Variants in SLC2A14 observed in about 807,000 individuals in gnomAD.
SLC2A14 encodes solute carrier family 2, facilitated glucose transporter member 14.
A neutral mutation model predicts 43.0 loss-of-function variants in SLC2A14; 13 were observed. The observed-to-expected ratio is 0.30, with a 90% confidence interval of 0.20 to 0.48. SLC2A14 has a LOEUF of 0.48. Among genes scored for constraint, SLC2A14 ranks in the 20% least tolerant of loss-of-function variants. The pLI, the probability that SLC2A14 is intolerant of heterozygous loss-of-function variation, is 0.99. For synonymous variants in SLC2A14, 190 were observed against 233.8 expected, an observed-to-expected ratio of 0.81 and a Z score of 1.71; for missense variants, 428 against 620.4, an observed-to-expected ratio of 0.69 and a Z score of 3.29.
At chr12:7,826,919 C>CTTT (rs1864480991) in intron 7 of SLC2A14, among the ~76,000 whole-genome samples, 1 of 81,312 alleles carries the variant, frequency 1.2e-5, no homozygotes, top group East Asian at 4.0e-4. Flanking sequence ...CTTTCTTTTT[C>CTTT]CTTTTTCTTT....
chr12:7,826,888 TC>T (rs1274178569), intron 7 of SLC2A14, among the ~76,000 whole-genome samples: 7 of 71,474 alleles, frequency 9.8e-5, no homozygotes, highest in African/African-American at 4.5e-4. Flanking sequence ...TTTCTTTCTT[TC>T]TTTCTTTCTT....
At chr12:7,841,852 A>G (rs1488413538) in intron 2 of SLC2A14, among the ~76,000 whole-genome samples, 1 of 151,922 alleles carries the variant, frequency 6.6e-6, no homozygotes. Context: ...CTAAAAATAT[A>G]AAATTAGCCG....
chr12:7,836,472 G>A (rs1865472081), intron 2 of SLC2A14, among the ~76,000 whole-genome samples: 3 of 152,016 alleles, frequency 2.0e-5, no homozygotes, highest in Admixed American at 1.3e-4. Flanking sequence ...TGCCTGTCTC[G>A]GCCTCCCAAA....
chr12:7,874,713 T>C (rs1466432256), upstream of SLC2A14, among the ~76,000 whole-genome samples: 2 of 103,138 alleles, frequency 1.9e-5, no homozygotes, highest in Admixed American at 2.7e-4. Context: ...TATAAATATG[T>C]ATATAAATAT....
At chr12:7,852,715 A>C (rs1377224087) in intron 2 of SLC2A14, among the ~76,000 whole-genome samples, 1 of 152,154 alleles carries the variant, frequency 6.6e-6, no homozygotes, top group Non-Finnish European at 1.5e-5. Context: ...CCAAATGTCC[A>C]CTGGGAGCAA....
chr12:7,876,216 G>A (rs1945460768), upstream of SLC2A14, among the ~76,000 whole-genome samples: 1 of 147,584 alleles, frequency 6.8e-6, no homozygotes, highest in Admixed American at 6.8e-5. Flanking sequence ...GGGAGGCAGA[G>A]GTTGCAGTGA....
At chr12:7,826,585 C>T (rs1864371944) in intron 7 of SLC2A14, among the ~76,000 whole-genome samples, 2 of 152,044 alleles carry the variant, frequency 1.3e-5, no homozygotes, top group Admixed American at 6.6e-5. Context: ...TCTTCATATC[C>T]GTATTTTATC....
upstream of SLC2A14, among the ~76,000 whole-genome samples, chr12:7,878,259 CA>C (rs1945498638): frequency 6.6e-6 from 1 of 151,578 alleles, no homozygotes; most frequent in Admixed American, 6.6e-5. Context: ...TCATGTTGGC[CA>C]GGCTGGTGTC....
At chr12:7,864,271 T>A (rs1488493508) in intron 2 of SLC2A14, among the ~76,000 whole-genome samples, 3 of 152,056 alleles carry the variant, frequency 2.0e-5, no homozygotes, top group African/African-American at 4.8e-5. Flanking sequence ...AGCAAAAGCT[T>A]TTCATTTTGA....
intron 2 of SLC2A14, among the ~76,000 whole-genome samples, chr12:7,834,530 C>CTTTT (rs71038782): frequency 8.8e-6 from 1 of 113,236 alleles, no homozygotes; most frequent in Non-Finnish European, 1.8e-5. Flanking sequence ...TTCTCTCTCT[C>CTTTT]TTTTTTTTTT....
At chr12:7,882,407 T>C (rs1945598498) in intron 1 of SLC2A14, among the ~76,000 whole-genome samples, 1 of 151,662 alleles carries the variant, frequency 6.6e-6, no homozygotes, top group African/African-American at 2.4e-5. Flanking sequence ...GCTGTAACAC[T>C]AACCGCGAGG....
intron 2 of SLC2A14, among the ~76,000 whole-genome samples, chr12:7,862,340 G>C (rs1303882987): frequency 6.6e-6 from 1 of 151,442 alleles, no homozygotes; most frequent in Non-Finnish European, 1.5e-5. Context: ...CAGCACTTTG[G>C]AAGGCCGAGA....
At chr12:7,872,979 G>T, upstream of SLC2A14, 4 of 985,474 alleles carry the variant, frequency 4.1e-6, no homozygotes, top group Non-Finnish European at 4.8e-6. Flanking sequence ...AACGTGACTC[G>T]GTTCATCGGG....
At chr12:7,889,352 G>GC (rs1945739517) in intron 1 of SLC2A14, among the ~76,000 whole-genome samples, 1 of 150,444 alleles carries the variant, frequency 6.6e-6, no homozygotes, top group Non-Finnish European at 1.5e-5. Flanking sequence ...TCCTGACTCA[G>GC]CCTCTCAAGT....
chr12:7,853,429 CA>C (rs35414391), intron 2 of SLC2A14, among the ~76,000 whole-genome samples: 335 of 84,614 alleles, frequency 4.0e-3, no homozygotes, highest in African/African-American at 0.014. Flanking sequence ...GACTCCATTT[CA>C]AAAAAAAAAA....
intron 7 of SLC2A14, among the ~76,000 whole-genome samples, chr12:7,826,225 G>GT (rs34224977): frequency 0.64 from 93,675 of 146,030 alleles, 30,273 homozygotes; most frequent in African/African-American, 0.76. Context: ...TTCCTCCCAA[G>GT]TTTTTTTTTT....
At chr12:7,847,022 G>T (rs1866528149) in intron 2 of SLC2A14, among the ~76,000 whole-genome samples, 1 of 151,784 alleles carries the variant, frequency 6.6e-6, no homozygotes, top group Non-Finnish European at 1.5e-5. Context: ...GGAGGCCGAG[G>T]TGGGTGGATC....
chr12:7,863,928 G>A (rs11612250), intron 2 of SLC2A14, among the ~76,000 whole-genome samples: 31,571 of 151,038 alleles, frequency 0.21, 3,720 homozygotes, highest in Non-Finnish European at 0.27. Flanking sequence ...CGATTCTCCC[G>A]CGTCAGCCTC....
intron 10 of SLC2A14, 25 bp downstream of exon 10, chr12:7,817,806 A>C: frequency 6.2e-7 from 1 of 1,613,720 alleles, no homozygotes; most frequent in Non-Finnish European, 8.5e-7. Context: ...ATACATAGAT[A>C]CATAGATAAG....
Sources: allele counts gnomAD v4.1 joint callset (sites outside exome capture counted in the v4.1 genomes callset), GRCh38; gene constraint gnomAD v4.1.1; transcripts MANE v1.5; gene names NCBI Gene and HGNC (gene_info 2026-07-23, HGNC 2026-07-21).